The following CDC42BPB variants were observed in gnomAD, a reference collection of about 807,000 sequenced individuals.
CDC42BPB encodes serine/threonine-protein kinase MRCK beta.
Under a neutral mutation model 214.9 loss-of-function variants are expected in CDC42BPB, and 37 were observed. The ratio of observed to expected loss-of-function variants is 0.17; its 90% CI spans 0.13 to 0.23. The LOEUF is 0.23. CDC42BPB is among the 10% of genes least tolerant of loss of function. The pLI, the probability that CDC42BPB is intolerant of heterozygous loss-of-function variation, is 1.00. For missense variants in CDC42BPB, 1,694 were observed against 2,227.0 expected, an observed-to-expected ratio of 0.76 and a Z score of 4.82; for synonymous variants, 931 against 884.0, an observed-to-expected ratio of 1.05 and a Z score of -0.94.
intron 1 of CDC42BPB, among the ~76,000 whole-genome samples, chr14:103,045,257 A>C (rs1888227263): frequency 6.6e-6 from 1 of 152,190 alleles, no homozygotes; most frequent in South Asian, 2.1e-4. Flanking sequence ...TTTTTAGAGA[A>C]TGATGAGGGG....
At chr14:102,973,925 C>T in intron 12 of CDC42BPB, 91 bp downstream of exon 12, 2 of 1,460,682 alleles carry the variant, frequency 1.4e-6, no homozygotes, top group Non-Finnish European at 1.8e-6. Flanking sequence ...GGCAGGAGTC[C>T]CAAGAGGTCT....
At chr14:103,022,601 G>T (rs920344952) in intron 1 of CDC42BPB, among the ~76,000 whole-genome samples, 1 of 152,144 alleles carries the variant, frequency 6.6e-6, no homozygotes, top group Non-Finnish European at 1.5e-5. Flanking sequence ...TGGCATAGAC[G>T]GAAAGCTGGC....
At chr14:102,986,743 G>A in intron 5 of CDC42BPB, 163 bp from the exon 6 acceptor site, 3 of 985,188 alleles carry the variant, frequency 3.0e-6, no homozygotes, top group Non-Finnish European at 3.6e-6. Context: ...AGCTGGCATG[G>A]TGGCAGCCGA....
At chr14:103,024,367 A>G (rs1279134113) in intron 1 of CDC42BPB, among the ~76,000 whole-genome samples, 3 of 152,228 alleles carry the variant, frequency 2.0e-5, no homozygotes, top group Non-Finnish European at 4.4e-5. Flanking sequence ...CAGTGGGCAC[A>G]GCACTCATAA....
Position 102,963,174 on chromosome 14 carries a change from G to A in CDC42BPB, c.2727-19C>T. ...TAGTTTGCTAAAATAAAAAATAAAT[G>A]GCTTTAAGTGCACTGAGAAGAGGTT... On this transcript the variant is annotated intron_variant, in intron 19 of 36. Coordinates refer to ENST00000361246, the MANE Select transcript of CDC42BPB (RefSeq NM_006035.4). The A allele has an allele frequency of 1.9e-6, 3 of 1,566,580 alleles. No individual in the cohort carries two copies. Among genetic ancestry groups the A allele is most frequent in the Non-Finnish European group, 2.6e-6 (3 of 1,147,262 alleles).
Position 102,976,069 on chromosome 14 carries a change from G to GT in CDC42BPB, c.1221-21dup, listed in dbSNP as rs760956275. The GT allele has an allele frequency of 2.9e-5, 47 of 1,602,394 alleles. No individual in the cohort carries two copies. In the East Asian group the frequency reaches 9.4e-4, roughly 32 times the overall value. ...AAACAGCTGGGAAACCAAGCAACAGGTTTTTTTGATCTACTGAAAATTTAG... is the reference window on the plus strand; with the variant it reads ...AAACAGCTGGGAAACCAAGCAACAGGTTTTTTTTGATCTACTGAAAATTTAG... On this transcript the variant is annotated intron_variant, in intron 9 of 36. Transcript: ENST00000361246.
At chr14:103,034,859 A>G (rs1323609786) in intron 1 of CDC42BPB, among the ~76,000 whole-genome samples, 1 of 151,590 alleles carries the variant, frequency 6.6e-6, no homozygotes, top group African/African-American at 2.4e-5. Context: ...TGTAGAGGGG[A>G]CTATGAAATG....
intron 8 of CDC42BPB, 97 bp from the exon 9 acceptor site, chr14:102,978,302 G>C (rs1893848806): frequency 1.9e-6 from 3 of 1,563,952 alleles, no homozygotes; most frequent in Non-Finnish European, 2.6e-6. Context: ...GGAGGCACTG[G>C]GCAGAACATG....
At chr14:102,981,894 A>C (rs1377747301) in intron 7 of CDC42BPB, among the ~76,000 whole-genome samples, 1 of 151,898 alleles carries the variant, frequency 6.6e-6, no homozygotes, top group African/African-American at 2.4e-5. Flanking sequence ...CACGTATCTA[A>C]ACACACACAT....
intron 5 of CDC42BPB, among the ~76,000 whole-genome samples, chr14:102,997,161 C>T (rs1181637531): frequency 6.6e-6 from 1 of 152,194 alleles, no homozygotes; most frequent in Non-Finnish European, 1.5e-5. Flanking sequence ...GGCCCGAGCA[C>T]AGGCCTACAG....
chr14:102,983,460 C>T (rs1462013033), intron 7 of CDC42BPB, 96 bp downstream of exon 7: 19 of 1,540,382 alleles, frequency 1.2e-5, no homozygotes, highest in East Asian at 9.1e-5. Context: ...CAACTACTCG[C>T]GTTGCTTCCT....
intron 20 of CDC42BPB, chr14:102,959,934 C>T (rs903969126): frequency 1.1e-5 from 8 of 719,162 alleles, no homozygotes; most frequent in Non-Finnish European, 1.4e-5. Flanking sequence ...GGACTGGGTG[C>T]GGTGGCTCAC....
chr14:102,946,917 C>T (rs1892207699), intron 27 of CDC42BPB: 3 of 964,494 alleles, frequency 3.1e-6, no homozygotes, highest in Non-Finnish European at 3.7e-6. Context: ...GTCCCATTTT[C>T]GTTAATTCTG....
intron 4 of CDC42BPB, 27 bp from the exon 5 acceptor site, chr14:102,999,740 G>A (rs775935680): frequency 6.2e-7 from 1 of 1,613,648 alleles, no homozygotes; most frequent in Non-Finnish European, 8.5e-7. Context: ...GAAGGGGAGA[G>A]AATACCACAT....
intron 1 of CDC42BPB, among the ~76,000 whole-genome samples, chr14:103,018,524 C>T (rs1022822439): frequency 8.5e-5 from 13 of 152,096 alleles, no homozygotes; most frequent in African/African-American, 2.9e-4. Context: ...AGGAGGAAGT[C>T]GCATCGATAG....
At chr14:102,934,582 C>T (rs528840721) in intron 36 of CDC42BPB, among the ~76,000 whole-genome samples, 6 of 151,910 alleles carry the variant, frequency 3.9e-5, no homozygotes, top group East Asian at 3.9e-4. Context: ...CACAGTGGTG[C>T]GCACCTGCAA....
At chr14:103,021,098 GAAC>G (rs960269008) in intron 1 of CDC42BPB, among the ~76,000 whole-genome samples, 2 of 152,152 alleles carry the variant, frequency 1.3e-5, no homozygotes, top group Admixed American at 6.6e-5. Flanking sequence ...GCTGTAAAAA[GAAC>G]AACCATTAAA....
chr14:103,011,637 G>A (rs912028661), intron 2 of CDC42BPB, among the ~76,000 whole-genome samples: 2 of 152,050 alleles, frequency 1.3e-5, no homozygotes, highest in African/African-American at 2.4e-5. Flanking sequence ...CCAGCTACTC[G>A]GAAGGCTGAG....
chr14:103,044,366 CT>C (rs869225876), intron 1 of CDC42BPB, among the ~76,000 whole-genome samples: 1,979 of 129,036 alleles, frequency 0.015, 21 homozygotes, highest in African/African-American at 0.048. Context: ...CAGCCGGCAC[CT>C]TTTTTTTTTT....
Sources: gnomAD v4.1 joint callset for allele counts (sites outside exome capture counted in the v4.1 genomes callset) on GRCh38, gnomAD v4.1.1 for gene constraint, MANE v1.5 for transcripts, NCBI Gene and HGNC (gene_info 2026-07-23, HGNC 2026-07-21) for gene names.